The following SYN3 variants were observed in gnomAD, a reference collection of about 807,000 sequenced individuals.
SYN3 encodes the protein synapsin III.
In SYN3, 35 loss-of-function variants were observed where a neutral mutation model predicts 65.8. The ratio of observed to expected loss-of-function variants is 0.53; its 90% CI spans 0.41 to 0.70. The LOEUF is 0.70. SYN3 is among the 30% of genes least tolerant of loss of function. The probability of loss-of-function intolerance (pLI) is 0.00; values close to 1 mark genes in which losing one functional copy is unlikely to be tolerated. For synonymous variants in SYN3, 270 were observed against 292.9 expected (o/e 0.92, Z 0.80); for missense variants, 680 against 749.0 (o/e 0.91, Z 1.08).
intron 1 of SYN3, among the ~76,000 whole-genome samples, chr22:33,027,181 A>G (rs1446004048): frequency 6.6e-6 from 1 of 152,204 alleles, no homozygotes; most frequent in Non-Finnish European, 1.5e-5. Context: ...CTGAGGACCT[A>G]TAAAGTGCAA....
intron 6 of SYN3, among the ~76,000 whole-genome samples, chr22:32,790,321 A>G (rs1384330273): frequency 4.6e-5 from 7 of 152,294 alleles, no homozygotes; most frequent in African/African-American, 1.2e-4. Flanking sequence ...ATAAGAGTAT[A>G]CTGTAATAAA....
At chr22:32,688,690 T>C (rs1177256150) in intron 6 of SYN3, among the ~76,000 whole-genome samples, 5 of 147,080 alleles carry the variant, frequency 3.4e-5, no homozygotes, top group African/African-American at 1.3e-4. Flanking sequence ...GGCAGAGCCT[T>C]GTCCTCCACC....
chr22:32,931,393 A>G lies in SYN3; in HGVS notation c.458T>C (p.Val153Ala). The change falls in exon 4 of 14, where the codon GTG becomes GCG. Residue 153 changes from valine to alanine, a missense_variant. Transcript: ENST00000358763. ...TGCATATTTTAATCCTACTTACCTC[A>G]CCACTTTGGTCCCATTTCTCACGAC... ...MQVVRNGTKV[V>A]SRSFKPDFIL... 3.7e-6 allele frequency: 6 copies of G among 1,609,434 alleles called. No homozygotes were observed. Among genetic ancestry groups the G allele is most frequent in the Non-Finnish European group, 5.1e-6 (6 of 1,175,854 alleles).
chr22:32,796,434 AT>A (rs2046429843), intron 6 of SYN3, among the ~76,000 whole-genome samples: 1 of 152,156 alleles, frequency 6.6e-6, no homozygotes, highest in South Asian at 2.1e-4. Flanking sequence ...GGGGTCTTCA[AT>A]TTGCTGGCAG....
At chr22:32,725,441 T>C (rs2147310367) in intron 6 of SYN3, among the ~76,000 whole-genome samples, 1 of 152,372 alleles carries the variant, frequency 6.6e-6, no homozygotes, top group Admixed American at 6.5e-5. Context: ...GCCTATGTCC[T>C]AATTCCCAGA....
intron 2 of SYN3, among the ~76,000 whole-genome samples, chr22:32,993,030 G>A (rs1569387458): frequency 6.6e-6 from 1 of 152,122 alleles, no homozygotes; most frequent in Non-Finnish European, 1.5e-5. Context: ...AGAGCAAGGA[G>A]TAGAACAAGC....
At chr22:32,654,138 A>G (rs1190798929) in intron 6 of SYN3, among the ~76,000 whole-genome samples, 1 of 152,226 alleles carries the variant, frequency 6.6e-6, no homozygotes, top group East Asian at 1.9e-4. Context: ...GGACACAGCA[A>G]CAAGGTAAGT....
chr22:32,960,967 C>T (rs2051630360), intron 3 of SYN3, among the ~76,000 whole-genome samples: 1 of 152,130 alleles, frequency 6.6e-6, no homozygotes, highest in South Asian at 2.1e-4. Flanking sequence ...AGAGTGAAGC[C>T]CACACCACCA....
At chr22:32,645,862 G>T (rs931971776) in intron 6 of SYN3, among the ~76,000 whole-genome samples, 1 of 152,064 alleles carries the variant, frequency 6.6e-6, no homozygotes, top group Non-Finnish European at 1.5e-5. Context: ...TGGGGGAAAG[G>T]GGAAAAGTGG....
intron 6 of SYN3, among the ~76,000 whole-genome samples, chr22:32,814,804 T>G (rs2047044083): frequency 6.6e-6 from 1 of 152,148 alleles, no homozygotes; most frequent in African/African-American, 2.4e-5. Context: ...GGAAAAAAAC[T>G]AGATTGATAT....
chr22:33,012,249 C>T (rs1439082940), intron 1 of SYN3, among the ~76,000 whole-genome samples: 2 of 151,904 alleles, frequency 1.3e-5, no homozygotes, highest in East Asian at 1.9e-4. Context: ...TCTGTTTATC[C>T]CTTATAATTT....
chr22:32,583,682 C>T lies in SYN3; in HGVS notation c.774+12992G>A, dbSNP rs928170212. Among the ~76,000 whole-genome samples the T allele has an allele frequency of 3.9e-5, 6 of 152,290 alleles. No homozygotes were observed. The South Asian group carries it at 1.2e-3, about 32-fold the overall frequency. The stretch of plus-strand genomic sequence containing the variant: ...TCACAGGGATAACAAAAATTACATC[C>T]TGGGTCCTGTGCAGAAATATAGTTC... On this transcript the variant is annotated intron_variant, in intron 7 of 13. Coordinates refer to ENST00000358763, the MANE Select transcript of SYN3 (RefSeq NM_003490.4).
intron 3 of SYN3, among the ~76,000 whole-genome samples, chr22:32,951,810 T>C (rs1318387202): frequency 6.6e-6 from 1 of 152,186 alleles, no homozygotes; most frequent in Non-Finnish European, 1.5e-5. Context: ...ACTCAGTTTG[T>C]GGCCTACAGT....
intron 2 of SYN3, among the ~76,000 whole-genome samples, chr22:32,990,411 T>TCCATCCAG (rs1569384663): frequency 3.7e-5 from 1 of 27,312 alleles, no homozygotes; most frequent in African/African-American, 3.8e-4. Flanking sequence ...CATCCAGCCA[T>TCCATCCAG]CCATCCATCC....
chr22:32,851,255 A>C (rs893044866), intron 6 of SYN3, among the ~76,000 whole-genome samples: 4 of 152,122 alleles, frequency 2.6e-5, no homozygotes, highest in African/African-American at 9.7e-5. Flanking sequence ...AACAATCCTC[A>C]TTACGAGACA....
intron 6 of SYN3, among the ~76,000 whole-genome samples, chr22:32,840,929 T>C (rs1445819232): frequency 2.6e-5 from 4 of 152,220 alleles, no homozygotes; most frequent in Non-Finnish European, 5.9e-5. Context: ...TATCCCTGTA[T>C]ACGTCTTCAC....
At chr22:32,882,243 A>G (rs1345114593) in intron 4 of SYN3, among the ~76,000 whole-genome samples, 1 of 152,102 alleles carries the variant, frequency 6.6e-6, no homozygotes, top group African/African-American at 2.4e-5. Flanking sequence ...ACCACATCAG[A>G]GGGTTTCCTC....
At chr22:32,894,155 A>C (rs1394684122) in intron 4 of SYN3, among the ~76,000 whole-genome samples, 6 of 151,930 alleles carry the variant, frequency 3.9e-5, no homozygotes, top group Admixed American at 3.9e-4. Flanking sequence ...ATAAACTGAG[A>C]GCAAGGGCCT....
At chr22:32,941,067 C>G (rs1212627014) in intron 3 of SYN3, among the ~76,000 whole-genome samples, 1 of 152,110 alleles carries the variant, frequency 6.6e-6, no homozygotes, top group Non-Finnish European at 1.5e-5. Flanking sequence ...GCAGCCAGAC[C>G]TCTCAAAGAC....
Sources: allele counts gnomAD v4.1 joint callset (sites outside exome capture counted in the v4.1 genomes callset), GRCh38; gene constraint gnomAD v4.1.1; transcripts MANE v1.5; gene names NCBI Gene and HGNC (gene_info 2026-07-23, HGNC 2026-07-21).